The following THADA variants were observed in gnomAD, a reference collection of about 807,000 sequenced individuals.
THADA encodes THADA armadillo repeat containing.
A neutral mutation model predicts 219.8 loss-of-function variants in THADA; 213 were observed. The ratio of observed to expected loss-of-function variants is 0.97; its 90% CI spans 0.87 to 1.09. The LOEUF (loss-of-function observed/expected upper bound fraction) is 1.09. Ranked by LOEUF, THADA falls within the 50% of genes least tolerant of loss-of-function variation. The pLI is 0.00. For missense variants in THADA, 2,956 were observed against 2,311.3 expected, an observed-to-expected ratio of 1.28 and a Z score of -5.72; for synonymous variants, 1,018 against 828.9, an observed-to-expected ratio of 1.23 and a Z score of -3.92.
intron 31 of THADA, among the ~76,000 whole-genome samples, chr2:43,318,281 TCCTCCTGCCTCAA>T (rs1678304221): frequency 6.6e-6 from 1 of 151,994 alleles, no homozygotes; most frequent in Non-Finnish European, 1.5e-5. Context: ...CCTCAAGCAA[TCCTCCTGCCTCAA>T]CCTCCTAAAG....
intron 15 of THADA, among the ~76,000 whole-genome samples, chr2:43,561,826 G>C (rs1698100555): frequency 6.6e-6 from 1 of 152,072 alleles, no homozygotes; most frequent in African/African-American, 2.4e-5. Flanking sequence ...TCTTCTTCCT[G>C]ATCTTAGGAC....
chr2:43,310,226 GCC>G (rs71410163), intron 31 of THADA, among the ~76,000 whole-genome samples: 10 of 54,084 alleles, frequency 1.8e-4, no homozygotes, highest in African/African-American at 4.7e-4. Context: ...TCCCTTTCCC[GCC>G]CCCCCCCCAA....
chr2:43,566,361 T>G, intron 15 of THADA: 1 of 604,160 alleles, frequency 1.7e-6, no homozygotes, highest in Non-Finnish European at 3.0e-6. Context: ...GCTATTATTA[T>G]TTCAAATTTT....
intron 30 of THADA, among the ~76,000 whole-genome samples, chr2:43,336,932 A>G (rs1440433370): frequency 6.6e-6 from 1 of 152,246 alleles, no homozygotes; most frequent in African/African-American, 2.4e-5. Context: ...GCTGGGACTT[A>G]GCTCTGGCCC....
intron 21 of THADA, among the ~76,000 whole-genome samples, chr2:43,532,434 AG>A (rs1694005594): frequency 1.3e-5 from 2 of 149,120 alleles, no homozygotes; most frequent in Admixed American, 6.7e-5. Flanking sequence ...AAAAAAAAAA[AG>A]GATGGTTCAA....
At chr2:43,388,728 A>C (rs1672993702) in intron 29 of THADA, among the ~76,000 whole-genome samples, 1 of 152,236 alleles carries the variant, frequency 6.6e-6, no homozygotes, top group Non-Finnish European at 1.5e-5. Flanking sequence ...TGACCGGAGG[A>C]ACCTCTCTGT....
intron 24 of THADA, among the ~76,000 whole-genome samples, chr2:43,502,921 C>A (rs1174851285): frequency 2.0e-5 from 3 of 152,090 alleles, no homozygotes; most frequent in Non-Finnish European, 4.4e-5. Context: ...TAAGCAAAGT[C>A]TTTCAACAGA....
intron 30 of THADA, among the ~76,000 whole-genome samples, chr2:43,328,299 T>C (rs538556287): frequency 2.6e-5 from 4 of 152,332 alleles, no homozygotes; most frequent in East Asian, 1.9e-4. Flanking sequence ...CAGAAGCTTG[T>C]AGGGCCTGGC....
intron 30 of THADA, among the ~76,000 whole-genome samples, chr2:43,340,202 T>C (rs1192798952): frequency 1.3e-5 from 2 of 152,236 alleles, no homozygotes; most frequent in African/African-American, 2.4e-5. Flanking sequence ...GAAGGATTAA[T>C]GAGCTGATTT....
chr2:43,268,788 A>G (rs1378204144), intron 36 of THADA, among the ~76,000 whole-genome samples: 7 of 152,122 alleles, frequency 4.6e-5, no homozygotes, highest in Non-Finnish European at 1.0e-4. Context: ...GGCTGTTGGG[A>G]TGGAAGAAGT....
intron 7 of THADA, among the ~76,000 whole-genome samples, chr2:43,582,255 G>A (rs1559021193): frequency 6.6e-6 from 1 of 152,130 alleles, no homozygotes; most frequent in Non-Finnish European, 1.5e-5. Context: ...CCAGCACTTT[G>A]GTAGGCCGAG....
At chr2:43,505,154 C>T (rs1689501841) in intron 24 of THADA, among the ~76,000 whole-genome samples, 1 of 152,110 alleles carries the variant, frequency 6.6e-6, no homozygotes, top group Non-Finnish European at 1.5e-5. Flanking sequence ...CGCAAAGAAG[C>T]ACACATGAAA....
Position 43,366,481 on chromosome 2 carries a change from G to T in THADA, c.4228-22244C>A, listed in dbSNP as rs191101471. Among the ~76,000 whole-genome samples the T allele has an allele frequency of 4.4e-4, 67 of 152,210 alleles. 1 individual carries two copies. Among genetic ancestry groups the T allele is most frequent in the Admixed American group, 1.2e-3 (18 of 15,300 alleles). On this transcript the variant is annotated intron_variant, in intron 29 of 37. Transcript: ENST00000405975. ...TCTCAGATCTTAAAAACAATTCAGT[G>T]AAAAAAGCAGAATATTTAACTGCTT...
At chr2:43,246,414 G>A (rs942762215) in intron 36 of THADA, among the ~76,000 whole-genome samples, 2 of 152,150 alleles carry the variant, frequency 1.3e-5, no homozygotes, top group Non-Finnish European at 2.9e-5. Context: ...AGAATCACTT[G>A]AACCCGGGAG....
chr2:43,466,216 G>C (rs1684217508), intron 26 of THADA, among the ~76,000 whole-genome samples: 1 of 152,178 alleles, frequency 6.6e-6, no homozygotes, highest in Non-Finnish European at 1.5e-5. Flanking sequence ...TATTTTAAAT[G>C]AGTAGTCAAT....
rs1669226203 is a variant in THADA at position 43,359,316 on chromosome 2, A to G, written c.4228-15079T>C. 2.6e-5 allele frequency among the ~76,000 whole-genome samples: 4 copies of G among 152,294 alleles called. No individual in the cohort carries two copies. In the South Asian group the frequency reaches 8.3e-4, roughly 32 times the overall value. ...GTTCAGAGAATGGTGATTCTGTGAG[A>G]TCTAACTGAACCAAGGGGCCTGTGA... On this transcript the variant is annotated intron_variant, in intron 29 of 37. Coordinates refer to ENST00000405975, the MANE Select transcript of THADA (RefSeq NM_022065.5).
chr2:43,574,987 A>C lies in THADA; in HGVS notation c.1078T>G (p.Leu360Val). 6.2e-7 allele frequency: 1 copy of C among 1,613,904 alleles called. No homozygotes were observed. Among genetic ancestry groups the C allele is most frequent in the Non-Finnish European group, 8.5e-7 (1 of 1,179,846 alleles). ...ATGGCTGAATTAGTCCAGGATGCTA[A>C]GATTCTAGACAGAAACATTTCCAGC... ...PTLEMFLSRILASWTNSAIQV... is the reference protein window; with the variant it reads ...PTLEMFLSRIVASWTNSAIQV... The change falls in exon 11 of 38, where the codon TTA becomes GTA. Residue 360 changes from leucine (L) to valine (V), a missense_variant. Transcript: ENST00000405975.
At chr2:43,240,642 A>C (rs1668522334) in intron 36 of THADA, among the ~76,000 whole-genome samples, 1 of 152,116 alleles carries the variant, frequency 6.6e-6, no homozygotes. Context: ...ATGCTATCAA[A>C]TGCCATCATT....
intron 37 of THADA, 40 bp downstream of exon 37, chr2:43,232,673 T>C (rs1309255585): frequency 1.2e-6 from 2 of 1,607,612 alleles, no homozygotes; most frequent in Admixed American, 3.4e-5. Flanking sequence ...TTTAGGACAC[T>C]CCAACCCTGC....
Sources: allele counts gnomAD v4.1 joint callset (sites outside exome capture counted in the v4.1 genomes callset), GRCh38; gene constraint gnomAD v4.1.1; transcripts MANE v1.5; gene names NCBI Gene and HGNC (gene_info 2026-07-23, HGNC 2026-07-21).